The following STYX variants were observed in gnomAD, a reference collection of about 807,000 sequenced individuals.
STYX encodes the protein serine/threonine/tyrosine-interacting protein.
STYX carries 20 observed loss-of-function variants against 42.7 expected under a neutral mutation model. The observed-to-expected ratio is 0.47, with a 90% CI of 0.33 to 0.68. STYX has a LOEUF of 0.68. STYX is among the 30% of genes least tolerant of loss of function. STYX has a pLI of 0.02. For missense variants in STYX, 226 were observed against 268.5 expected (o/e 0.84, Z 1.11); for synonymous variants, 78 against 81.9 (o/e 0.95, Z 0.26).
intron 5 of STYX, among the ~76,000 whole-genome samples, chr14:52,757,058 A>G (rs1881900289): frequency 6.6e-6 from 1 of 152,164 alleles, no homozygotes; most frequent in Admixed American, 6.5e-5. Flanking sequence ...TGTGTTTTTA[A>G]AAGAATTATT....
At chr14:52,734,051 CG>C (rs1478024047) in intron 1 of STYX, among the ~76,000 whole-genome samples, 1 of 152,106 alleles carries the variant, frequency 6.6e-6, no homozygotes, top group Non-Finnish European at 1.5e-5. Flanking sequence ...CACATCAGTC[CG>C]CTTGGTTGTG....
chr14:52,772,272 C>T lies in STYX; in HGVS notation c.*1166C>T, dbSNP rs1041061596. On this transcript the variant is annotated 3_prime_UTR_variant, in exon 11 of 11. Coordinates refer to ENST00000354586, the MANE Select transcript of STYX (RefSeq NM_145251.4). ...TCTTAATGATTCTGTGAGATTGTTC[C>T]GGCTCAAACAGAAGCTTTTCTTTGG... is the stretch of plus-strand genomic sequence containing the variant. 5 of 150,444 alleles carry T rather than the reference C, an allele frequency of 3.3e-5. No homozygotes were observed. The highest frequency in any genetic ancestry group is 7.4e-5 in the Non-Finnish European group (5 of 67,618). The allele number at this position is 150,444 out of a possible 1,614,324, so 9.3% of individuals were successfully genotyped here. A position where few individuals can be genotyped will look rare whatever the true frequency, so the allele number is the denominator to read the frequency against.
intron 1 of STYX, among the ~76,000 whole-genome samples, chr14:52,740,004 C>T (rs148396067): frequency 0.012 from 1,809 of 152,150 alleles, 33 homozygotes; most frequent in African/African-American, 0.041. Flanking sequence ...CTAGGCTGGG[C>T]GCGGTGGCTC....
intron 9 of STYX, among the ~76,000 whole-genome samples, chr14:52,762,843 C>T (rs1192186973): frequency 3.0e-5 from 4 of 135,542 alleles, no homozygotes; most frequent in South Asian, 4.8e-4. Flanking sequence ...TTTGGTGTAT[C>T]GGTTTGATTT....
chr14:52,771,393 T>C lies in STYX; in HGVS notation c.*287T>C, dbSNP rs1882506411. On this transcript the variant is annotated 3_prime_UTR_variant, in exon 11 of 11. Coordinates refer to ENST00000354586, the MANE Select transcript of STYX (RefSeq NM_145251.4). ...AGAATTTTGGACTTGCAAAGAGGTATTATTGCAATAATGCACTTTTCATAC... is the reference window on the plus strand; with the variant it reads ...AGAATTTTGGACTTGCAAAGAGGTACTATTGCAATAATGCACTTTTCATAC... The C allele has an allele frequency of 3.8e-6, 1 of 263,582 alleles. No individual in the cohort carries two copies. The highest frequency in any genetic ancestry group is 7.1e-6 in the Non-Finnish European group (1 of 140,706). 16.3% of individuals were successfully genotyped at this position (263,582 alleles called of 1,614,324 possible).
intron 9 of STYX, among the ~76,000 whole-genome samples, chr14:52,762,878 CTTTCTTT>C (rs1882149757): frequency 1.3e-5 from 1 of 77,430 alleles, no homozygotes; most frequent in African/African-American, 5.3e-5. Flanking sequence ...TTCTTTCTTT[CTTTCTTT>C]TTTTTTTTTT....
chr14:52,746,165 A>G (rs955960687), intron 2 of STYX, among the ~76,000 whole-genome samples: 1 of 152,096 alleles, frequency 6.6e-6, no homozygotes, highest in Non-Finnish European at 1.5e-5. Flanking sequence ...ACAGGAGTTC[A>G]TGTCTGTAAT....
chr14:52,769,166 G>C (rs1024094501), intron 10 of STYX, among the ~76,000 whole-genome samples: 1 of 152,114 alleles, frequency 6.6e-6, no homozygotes, highest in African/African-American at 2.4e-5. Context: ...ATCTGGAGAA[G>C]GGGCCCTAAA....
chr14:52,732,815 C>T (rs1472772808), intron 1 of STYX, among the ~76,000 whole-genome samples: 2 of 151,966 alleles, frequency 1.3e-5, no homozygotes, highest in Non-Finnish European at 2.9e-5. Flanking sequence ...GGATTACAGG[C>T]GCCCGCCACC....
In STYX at chr14:52,745,460, G is replaced by A. The variant is rs138978910; in HGVS notation, c.90+576G>A. Among the ~76,000 whole-genome samples the A allele has an allele frequency of 4.7e-3, 722 of 152,212 alleles. 8 individuals are homozygous for A. Among genetic ancestry groups the A allele is most frequent in the African/African-American group, 0.017 (698 of 41,540 alleles). The stretch of plus-strand genomic sequence containing the variant: ...AATGAGTCACTTTCTTTTTCCTCAC[G>A]TGAAAAATTGGATACTTTCTTTGTA... On this transcript the variant is annotated intron_variant, in intron 2 of 10. Coordinates refer to ENST00000354586, the MANE Select transcript of STYX (RefSeq NM_145251.4).
chr14:52,741,628 A>G (rs1050357073), intron 1 of STYX, among the ~76,000 whole-genome samples: 1 of 152,028 alleles, frequency 6.6e-6, no homozygotes, highest in Non-Finnish European at 1.5e-5. Context: ...TAGTAGAGAC[A>G]GGGTTTCACC....
intron 8 of STYX, among the ~76,000 whole-genome samples, chr14:52,758,599 C>T (rs112349508): frequency 7.9e-5 from 12 of 152,146 alleles, no homozygotes; most frequent in African/African-American, 2.2e-4. Flanking sequence ...ATTTTTGAGA[C>T]GGCGTCTTGC....
chr14:52,739,735 A>C (rs773282796), intron 1 of STYX, among the ~76,000 whole-genome samples: 2 of 140,354 alleles, frequency 1.4e-5, no homozygotes, highest in Non-Finnish European at 3.0e-5. Context: ...TCGACCTCCC[A>C]AGCCCGAGTG....
rs368269696 is a variant in STYX at position 52,758,699 on chromosome 14, C to A, written c.431+775C>A. 6.6e-5 allele frequency among the ~76,000 whole-genome samples: 10 copies of A among 152,178 alleles called. No homozygotes were observed. The East Asian group carries it at 1.9e-3, about 29-fold the overall frequency. On this transcript the variant is annotated intron_variant, in intron 8 of 10. Transcript: ENST00000354586. Reference sequence around the variant, plus strand: ...CAAGCAATTCTCCTGCCTCAGCCTCCCTAGTAGCTGAGACTACAGGTGCAC... The same window carrying A: ...CAAGCAATTCTCCTGCCTCAGCCTCACTAGTAGCTGAGACTACAGGTGCAC...
At chr14:52,763,285 A>G (rs1304316559) in intron 9 of STYX, among the ~76,000 whole-genome samples, 2 of 152,170 alleles carry the variant, frequency 1.3e-5, no homozygotes, top group Admixed American at 1.3e-4. Flanking sequence ...CATAGAATTA[A>G]GGAAAATAAT....
intron 5 of STYX, 88 bp downstream of exon 5, chr14:52,756,699 TTTTTG>T (rs1881881538): frequency 1.7e-6 from 1 of 582,232 alleles, no homozygotes; most frequent in South Asian, 2.7e-5. Flanking sequence ...TTTTTTTTTT[TTTTTG>T]AGACAAGAGT....
intron 1 of STYX, among the ~76,000 whole-genome samples, chr14:52,742,503 C>T (rs1032520849): frequency 2.0e-5 from 3 of 151,992 alleles, no homozygotes; most frequent in African/African-American, 4.8e-5. Flanking sequence ...ATAGGCCTAC[C>T]CTGTGTCAAA....
chr14:52,737,078 C>T (rs1880983912), intron 1 of STYX, among the ~76,000 whole-genome samples: 1 of 152,122 alleles, frequency 6.6e-6, no homozygotes, highest in Admixed American at 6.5e-5. Flanking sequence ...CCCCCACCTC[C>T]AGCCTATGTA....
rs755853604 is a variant in STYX at position 52,730,464 on chromosome 14, G to C, written c.-11G>C. Reference sequence around the variant, plus strand: ...TCTCCCACCCCACCCACCAGCCCGCGGGCCAGCACCATGGAGGACGTGAAG... The same window carrying C: ...TCTCCCACCCCACCCACCAGCCCGCCGGCCAGCACCATGGAGGACGTGAAG... On this transcript the variant is annotated 5_prime_UTR_variant, in exon 1 of 11. Transcript: ENST00000354586. 5 of 1,613,204 alleles carry C rather than the reference G, an allele frequency of 3.1e-6. No individual in the cohort carries two copies. The highest frequency in any genetic ancestry group is 1.1e-5 in the South Asian group (1 of 90,876).
Sources: gnomAD v4.1 joint callset for allele counts (sites outside exome capture counted in the v4.1 genomes callset) on GRCh38, gnomAD v4.1.1 for gene constraint, MANE v1.5 for transcripts, NCBI Gene and HGNC (gene_info 2026-07-23, HGNC 2026-07-21) for gene names.